Variants in EIF4G3 observed in about 807,000 individuals in gnomAD.
EIF4G3 encodes the protein eukaryotic translation initiation factor 4 gamma 3, also known as eIF-4-gamma 3.
Under a neutral mutation model 186.4 loss-of-function variants are expected in EIF4G3, and 34 were observed. The ratio of observed to expected loss-of-function variants is 0.18; its 90% confidence interval spans 0.14 to 0.24. The LOEUF (loss-of-function observed/expected upper bound fraction) is 0.24. EIF4G3 is among the 10% of genes least tolerant of loss of function. The pLI is 1.00. For synonymous variants in EIF4G3, 673 were observed against 679.5 expected (o/e 0.99, Z 0.15); for missense variants, 1,536 against 1,948.5 (o/e 0.79, Z 3.99).
intron 2 of EIF4G3, among the ~76,000 whole-genome samples, chr1:21,126,525 A>C (rs1572944036): frequency 6.6e-6 from 1 of 152,060 alleles, no homozygotes; most frequent in Non-Finnish European, 1.5e-5. Flanking sequence ...GCAGGGTAGC[A>C]CCTGCCTGTA....
At chr1:20,876,039 T>C (rs1019376957) in intron 20 of EIF4G3, among the ~76,000 whole-genome samples, 6 of 151,678 alleles carry the variant, frequency 4.0e-5, no homozygotes, top group Non-Finnish European at 8.8e-5. Flanking sequence ...CTGGACAACA[T>C]GGCGAAACCC....
intron 20 of EIF4G3, among the ~76,000 whole-genome samples, chr1:20,877,954 C>T (rs1219535137): frequency 6.6e-6 from 1 of 152,192 alleles, no homozygotes; most frequent in African/African-American, 2.4e-5. Flanking sequence ...AGTGATTCTC[C>T]TGCCTCAGCC....
intron 4 of EIF4G3, among the ~76,000 whole-genome samples, chr1:21,042,871 T>A (rs2093660100): frequency 6.6e-6 from 1 of 152,248 alleles, no homozygotes; most frequent in Non-Finnish European, 1.5e-5. Context: ...TTACCTGTTC[T>A]GTTTCTCATC....
rs1557871980 is a variant in EIF4G3, at chr1:20,842,302, TTC to T, written c.3889-1276_3889-1275del. 2.0e-5 allele frequency among the ~76,000 whole-genome samples: 3 copies of T among 152,260 alleles called. No homozygotes were observed. In the South Asian group the frequency reaches 6.2e-4, roughly 32 times the overall value. On this transcript the variant is annotated intron_variant, in intron 29 of 36. Coordinates refer to ENST00000602326, the MANE Select transcript of EIF4G3 (RefSeq NM_001391906.1). ...GATTCCTTTAATCTAAAATCGTCCT[TTC>T]TCTTTTTTGTCTTTTCATGACATTG...
chr1:21,150,381 G>A (rs115697867), intron 2 of EIF4G3, among the ~76,000 whole-genome samples: 34 of 152,258 alleles, frequency 2.2e-4, no homozygotes, highest in African/African-American at 8.2e-4. Flanking sequence ...CTATATTCAA[G>A]TACTTTAAAC....
intron 2 of EIF4G3, among the ~76,000 whole-genome samples, chr1:21,152,621 G>A (rs1046784117): frequency 8.5e-5 from 13 of 152,196 alleles, no homozygotes; most frequent in East Asian, 7.7e-4. Flanking sequence ...CTACTACCAT[G>A]ACCCAGAGAG....
intron 15 of EIF4G3, 109 bp from the exon 16 acceptor site, chr1:20,900,052 G>T (rs2089755882): frequency 8.8e-7 from 1 of 1,137,906 alleles, no homozygotes. Context: ...GTCATTCAAG[G>T]TAAGAATGTC....
intron 4 of EIF4G3, among the ~76,000 whole-genome samples, chr1:21,040,691 T>C (rs2093519146): frequency 1.3e-5 from 2 of 152,232 alleles, no homozygotes; most frequent in Admixed American, 1.3e-4. Context: ...TTAACTGTGT[T>C]GTTATTACAG....
chr1:20,853,755 G>A lies in EIF4G3; in HGVS notation c.3434-78C>T, dbSNP rs10916880. 9.2e-4 allele frequency: 998 copies of A among 1,088,904 alleles called. 8 individuals carry two copies. The African/African-American group carries it at 0.014, about 15-fold the overall frequency. 67.5% of individuals were successfully genotyped at this position (1,088,904 alleles called of 1,614,324 possible). The stretch of plus-strand genomic sequence containing the variant: ...AATAATCAGTCATCTGCATCCCTAG[G>A]TGAGGCCTGAGACCAGGCATTCCTA... On this transcript the variant is annotated intron_variant, in intron 26 of 36. Coordinates refer to ENST00000602326, the MANE Select transcript of EIF4G3 (RefSeq NM_001391906.1).
intron 34 of EIF4G3, 53 bp downstream of exon 34, chr1:20,817,339 C>A: frequency 7.7e-7 from 1 of 1,298,966 alleles, no homozygotes. Flanking sequence ...TAAGGGGATC[C>A]CACAAGAATC....
chr1:20,984,435 G>A (rs2078984119), intron 7 of EIF4G3, among the ~76,000 whole-genome samples: 1 of 151,194 alleles, frequency 6.6e-6, no homozygotes, highest in Non-Finnish European at 1.5e-5. Context: ...CAAAGTGCTG[G>A]GATTACAAAC....
In EIF4G3 at chr1:20,806,998, C is replaced by G. The variant is rs2058202745; in HGVS notation, c.*321G>C. 1 of 171,924 alleles carries G rather than the reference C, an allele frequency of 5.8e-6. No individual in the cohort carries two copies. The highest frequency in any genetic ancestry group is 1.2e-5 in the Non-Finnish European group (1 of 82,220). The allele number at this position is 171,924 out of a possible 1,614,324, so 10.6% of individuals were successfully genotyped here. On this transcript the variant is annotated 3_prime_UTR_variant, in exon 37 of 37. Coordinates refer to ENST00000602326, the MANE Select transcript of EIF4G3 (RefSeq NM_001391906.1). ...CAGTCCTTAAAATAAATTAAAAGTT[C>G]TCAACTTTTTTTTTTTTTGCTAAAC...
chr1:20,824,215 C>CA (rs777221434), intron 33 of EIF4G3, among the ~76,000 whole-genome samples: 1 of 152,214 alleles, frequency 6.6e-6, no homozygotes, highest in Non-Finnish European at 1.5e-5. Context: ...AGTTATGCTT[C>CA]ATGCAGGTTC....
At position 20,921,138 on chromosome 1, in the gene EIF4G3, T is replaced by C. The variant is rs552300291; in HGVS notation, c.1664-16167A>G. On this transcript the variant is annotated intron_variant, in intron 14 of 36. Coordinates refer to ENST00000602326, the MANE Select transcript of EIF4G3 (RefSeq NM_001391906.1). ...TATATGAAACCCTAAATATACCATA[T>C]GCATAAAGAAAAAAAATCTTCTAAT... is the stretch of plus-strand genomic sequence containing the variant. Among the ~76,000 whole-genome samples, 3 of 152,270 alleles carry C rather than the reference T, an allele frequency of 2.0e-5. No homozygotes were observed. In the South Asian group the frequency reaches 6.2e-4, roughly 32 times the overall value.
chr1:20,950,468 C>T (rs919163063), intron 12 of EIF4G3, among the ~76,000 whole-genome samples: 1 of 152,062 alleles, frequency 6.6e-6, no homozygotes, highest in Non-Finnish European at 1.5e-5. Context: ...GAATTTAACA[C>T]CCTCCCAAAG....
chr1:21,119,288 A>G (rs2096884643), intron 2 of EIF4G3, among the ~76,000 whole-genome samples: 1 of 152,140 alleles, frequency 6.6e-6, no homozygotes, highest in South Asian at 2.1e-4. Flanking sequence ...CCTGGGAGAT[A>G]ATCTTATGAA....
intron 2 of EIF4G3, among the ~76,000 whole-genome samples, chr1:21,148,707 A>AT: frequency 6.9e-6 from 1 of 144,306 alleles, no homozygotes; most frequent in South Asian, 2.2e-4. Context: ...GTCTCATTTA[A>AT]AAAAAAAAAA....
At chr1:20,997,189 T>C (rs1295437688) in intron 7 of EIF4G3, among the ~76,000 whole-genome samples, 1 of 152,318 alleles carries the variant, frequency 6.6e-6, no homozygotes, top group South Asian at 2.1e-4. Flanking sequence ...GAAATACTAA[T>C]GCTATTTTAT....
chr1:21,111,203 T>C (rs957239480), intron 2 of EIF4G3: 6 of 394,744 alleles, frequency 1.5e-5, no homozygotes, highest in African/African-American at 4.2e-5. Flanking sequence ...CAATTTCTGT[T>C]GCTTTTAGAA....
Sources: gnomAD v4.1 joint callset for allele counts (sites outside exome capture counted in the v4.1 genomes callset) on GRCh38, gnomAD v4.1.1 for gene constraint, MANE v1.5 for transcripts, NCBI Gene and HGNC (gene_info 2026-07-23, HGNC 2026-07-21) for gene names.